NIT1: variants seen among roughly 807,000 people sequenced by gnomAD.
NIT1 encodes deaminated glutathione amidase.
A neutral mutation model predicts 36.8 loss-of-function variants in NIT1; 30 were observed. That is an observed-to-expected ratio of 0.82 (90% CI 0.61 to 1.11). NIT1 has a LOEUF of 1.11. Among genes scored for constraint, NIT1 ranks in the 50% least tolerant of loss-of-function variants. NIT1 has a pLI of 0.00. For synonymous variants in NIT1, 151 were observed against 155.6 expected, an observed-to-expected ratio of 0.97 and a Z score of 0.22; for missense variants, 438 against 410.6, an observed-to-expected ratio of 1.07 and a Z score of -0.58.
intron 4 of NIT1, 81 bp from the exon 5 acceptor site, chr1:161,119,738 C>G (rs1057373681): frequency 1.3e-6 from 2 of 1,577,366 alleles, no homozygotes; most frequent in Non-Finnish European, 1.7e-6. Flanking sequence ...CAGTTCCTAG[C>G]CTATAAACTA....
At chr1:161,122,536 G>T (rs1257671215), downstream of NIT1, 1 of 1,611,528 alleles carries the variant, frequency 6.2e-7, no homozygotes, top group African/African-American at 1.3e-5. This position sits in a 1 kb window ranked among gnomAD's most constrained non-coding sequence, Gnocchi z 4.2. Context: ...GTTGGAAACA[G>T]AAGATACAGA....
Position 161,119,570 on chromosome 1 carries a change from ACT to A in NIT1, c.417_418del (p.Gln140GlufsTer26). 1 of 1,614,124 alleles carries A rather than the reference ACT, an allele frequency of 6.2e-7. No individual in the cohort carries two copies. Among genetic ancestry groups the A allele is most frequent in the Non-Finnish European group, 8.5e-7 (1 of 1,180,014 alleles). On this transcript the variant is annotated frameshift_variant, in exon 4 of 7. Transcript: ENST00000368009. LOFTEE classifies it high-confidence loss of function. ...FHERGQDWEQ[T>X]QKIYNCHVLL... is the part of the protein sequence containing the mutation. ...TGAGCGTGGCCAAGACTGGGAGCAG[ACT>A]CAGAAAATCTACAATTGTCACGTGC...
intron 1 of NIT1, 186 bp downstream of exon 1, chr1:161,118,364 G>A: frequency 2.0e-6 from 3 of 1,521,890 alleles, no homozygotes; most frequent in Admixed American, 2.0e-5. Flanking sequence ...CACCAGGGAG[G>A]GGTGGGAGAC....
Position 161,119,575 on chromosome 1 carries a change from GAA to G in NIT1, c.423_424del (p.Lys141AsnfsTer25), listed in dbSNP as rs1378457937. On this transcript the variant is annotated frameshift_variant, in exon 4 of 7. Coordinates refer to ENST00000368009, the MANE Select transcript of NIT1 (RefSeq NM_005600.3). LOFTEE classifies it high-confidence loss of function. ...GTGGCCAAGACTGGGAGCAGACTCA[GAA>G]AATCTACAATTGTCACGTGCTGCTG... ...ERGQDWEQTQ[K>X]IYNCHVLLNS... 2.5e-6 allele frequency: 4 copies of G among 1,614,072 alleles called. No homozygotes were observed. Among genetic ancestry groups the G allele is most frequent in the Non-Finnish European group, 3.4e-6 (4 of 1,180,036 alleles).
At chr1:161,124,749 C>T, downstream of NIT1, 1 of 413,900 alleles carries the variant, frequency 2.4e-6, no homozygotes, top group Non-Finnish European at 3.9e-6. Context: ...ATCACTTGAG[C>T]CCAGGCGTTT....
In NIT1 at chr1:161,118,318, G is replaced by A. The variant is rs370320229; in HGVS notation, c.2+140G>A. Reference sequence around the variant, plus strand: ...GGGCGGCGGGAGGGTGGAGGGCGGGGCGCGGCTTGGGGCCTGGGTTCCTTT... The same window carrying A: ...GGGCGGCGGGAGGGTGGAGGGCGGGACGCGGCTTGGGGCCTGGGTTCCTTT... On this transcript the variant is annotated intron_variant, in intron 1 of 6. Coordinates refer to ENST00000368009, the MANE Select transcript of NIT1 (RefSeq NM_005600.3). The A allele has an allele frequency of 4.7e-4, 723 of 1,541,286 alleles. 7 individuals are homozygous for A. In the South Asian group the frequency reaches 8.0e-3, roughly 17 times the overall value.
chr1:161,120,661 G>T lies in NIT1; in HGVS notation c.880G>T (p.Ala294Ser). 1 of 1,614,184 alleles carries T rather than the reference G, an allele frequency of 6.2e-7. No individual in the cohort carries two copies. Among genetic ancestry groups the T allele is most frequent in the Non-Finnish European group, 8.5e-7 (1 of 1,180,046 alleles). ...RCSEGPGLCL[A>S]RIDLNYLRQL... is the part of the protein sequence containing the mutation. Reference sequence around the variant, plus strand: ...CTCTGAGGGGCCAGGCCTCTGCCTTGCCCGAATAGACCTCAACTATCTGCG... The same window carrying T: ...CTCTGAGGGGCCAGGCCTCTGCCTTTCCCGAATAGACCTCAACTATCTGCG... Residue 294 changes from alanine (A) to serine (S), a missense_variant, in exon 7 of 7, where the codon GCC (alanine) becomes TCC (serine). By Grantham distance (99) the Ala-to-Ser change is moderately conservative (BLOSUM62 1). Coordinates refer to ENST00000368009, the MANE Select transcript of NIT1 (RefSeq NM_005600.3).
At chr1:161,118,988 A>G (rs1655116020) in intron 2 of NIT1, 107 bp downstream of exon 2, 2 of 1,306,228 alleles carry the variant, frequency 1.5e-6, no homozygotes, top group Non-Finnish European at 2.2e-6. Flanking sequence ...TTGATTGGTG[A>G]GCCCTACTAG....
chr1:161,118,882 G>T lies in NIT1; in HGVS notation c.98+1G>T, dbSNP rs1655106925. ...TCTCAGTACTTTGTGCTCAGCCCAG[G>T]TAACACGTTTTGTTGTGTCCTCAGT... On this transcript the variant is annotated splice_donor_variant, in intron 2 of 6. Transcript: ENST00000368009. LOFTEE classifies it high-confidence loss of function. 1.2e-6 allele frequency: 2 copies of T among 1,611,002 alleles called. No individual in the cohort carries two copies. The highest frequency in any genetic ancestry group is 1.3e-5 in the African/African-American group (1 of 74,830).
chr1:161,120,565 C>G lies in NIT1; in HGVS notation c.784C>G (p.His262Asp). The change falls in exon 7 of 7, where the codon CAC becomes GAC. Residue 262 changes from histidine to aspartate, a missense_variant. Transcript: ENST00000368009. ...YVVAAAQCGR[H>D]HEKRASYGHS... ...AGTGGCAGCAGCACAGTGTGGACGCCACCATGAGAAGAGAGCAAGTTATGG... is the reference window on the plus strand; with the variant it reads ...AGTGGCAGCAGCACAGTGTGGACGCGACCATGAGAAGAGAGCAAGTTATGG... The G allele has an allele frequency of 6.2e-7, 1 of 1,614,170 alleles. No individual in the cohort carries two copies. The highest frequency in any genetic ancestry group is 8.5e-7 in the Non-Finnish European group (1 of 1,180,040).
In NIT1 at chr1:161,119,378, C is replaced by T; in HGVS notation, c.343C>T (p.Gln115Ter). The T allele has an allele frequency of 4.3e-6, 7 of 1,613,816 alleles. No individual in the cohort carries two copies. The highest frequency in any genetic ancestry group is 5.9e-6 in the Non-Finnish European group (7 of 1,179,692). ...LGGKLLEEYT[Q>*]LARECGLWLS... ...TGGGAAACTTTTGGAAGAATACACC[C>T]AGCTTGCCAGGTATCAGGGAAATAG... Residue 115 changes from glutamine (Q) to a stop codon, truncating the protein, a stop_gained, in exon 3 of 7, where the codon CAG becomes TAG. Transcript: ENST00000368009. LOFTEE classifies it high-confidence loss of function.
chr1:161,118,675 T>C, intron 1 of NIT1, 111 bp from the exon 2 acceptor site: 1 of 1,474,424 alleles, frequency 6.8e-7, no homozygotes, highest in Non-Finnish European at 9.3e-7. Context: ...GACTAGGTTT[T>C]TACTGGCAGG....
At chr1:161,122,119 A>G (rs1223702739), downstream of NIT1, 3 of 1,608,676 alleles carry the variant, frequency 1.9e-6, no homozygotes, top group African/African-American at 4.0e-5. The surrounding 1 kb of genome is among the most constrained non-coding windows in gnomAD (Gnocchi z 4.2). Flanking sequence ...TGATGGGAAC[A>G]GTCCCCAAAG....
Position 161,120,236 on chromosome 1 carries a change from A to T in NIT1, c.717+4A>T, listed in dbSNP as rs1223284228. 6.2e-7 allele frequency: 1 copy of T among 1,613,820 alleles called. No homozygotes were observed. The highest frequency in any genetic ancestry group is 1.3e-5 in the African/African-American group (1 of 74,900). On this transcript the variant is annotated splice_donor_region_variant and intron_variant, in intron 6 of 6. Transcript: ENST00000368009. ...TACAGGCCCAGCCCACTGGGAGGTA[A>T]GATGATGCCTTTTTAAAACATAAGG...
downstream of NIT1, chr1:161,123,245 A>G (rs1197946847): frequency 1.2e-6 from 2 of 1,604,020 alleles, no homozygotes; most frequent in Admixed American, 3.3e-5. Context: ...AAAAGGGAAG[A>G]AAACACAGTA....
chr1:161,119,660 C>CTAATCT, intron 4 of NIT1, 48 bp downstream of exon 4: 1 of 1,586,188 alleles, frequency 6.3e-7, no homozygotes, highest in Non-Finnish European at 8.7e-7. Flanking sequence ...GCTCTTCTAC[C>CTAATCT]TAGATTCTCC....
At chr1:161,122,543 C>A, downstream of NIT1, 2 of 1,609,706 alleles carry the variant, frequency 1.2e-6, no homozygotes, top group Non-Finnish European at 8.5e-7. This position sits in a 1 kb window ranked among gnomAD's most constrained non-coding sequence, Gnocchi z 4.2. Flanking sequence ...ACAGAAGATA[C>A]AGAGCAGAAG....
intron 6 of NIT1, 46 bp downstream of exon 6, chr1:161,120,278 A>C: frequency 6.2e-7 from 1 of 1,607,498 alleles, no homozygotes; most frequent in Non-Finnish European, 8.5e-7. Flanking sequence ...TCTTAACCTC[A>C]TCTTCCCCCC....
At chr1:161,122,291 T>C (rs1352408756), downstream of NIT1, 2 of 1,614,222 alleles carry the variant, frequency 1.2e-6, no homozygotes, top group Admixed American at 1.7e-5. The surrounding 1 kb of genome is among the most constrained non-coding windows in gnomAD (Gnocchi z 4.2). Context: ...CACCTTTAAG[T>C]GCCTCTAATA....
Sources: allele counts gnomAD v4.1 joint callset, GRCh38; gene constraint gnomAD v4.1.1; non-coding constraint Gnocchi (gnomAD v3.1); transcripts MANE v1.5; gene names NCBI Gene and HGNC (gene_info 2026-07-23, HGNC 2026-07-21).